The following PTPRA variants were observed in gnomAD, a reference collection of about 807,000 sequenced individuals.
The protein encoded by PTPRA is protein tyrosine phosphatase receptor type A.
A neutral mutation model predicts 104.8 loss-of-function variants in PTPRA; 25 were observed. The observed-to-expected ratio is 0.24, with a 90% CI of 0.17 to 0.33. The LOEUF is 0.33. PTPRA is among the 10% of genes least tolerant of loss of function. The pLI, the probability that PTPRA is intolerant of heterozygous loss-of-function variation, is 1.00. For synonymous variants in PTPRA, 323 were observed against 368.9 expected, an observed-to-expected ratio of 0.88 and a Z score of 1.43; for missense variants, 765 against 1,015.3, an observed-to-expected ratio of 0.75 and a Z score of 3.35.
intron 9 of PTPRA, among the ~76,000 whole-genome samples, chr20:3,003,700 A>ATTTTTT (rs59358849): frequency 1.9e-5 from 2 of 105,564 alleles, no homozygotes; most frequent in Non-Finnish European, 1.9e-5. Flanking sequence ...ATACCTGGCT[A>ATTTTTT]TTTTTTTTTT....
At chr20:2,881,743 G>T (rs1391286175) in intron 1 of PTPRA, among the ~76,000 whole-genome samples, 1 of 152,212 alleles carries the variant, frequency 6.6e-6, no homozygotes, top group African/African-American at 2.4e-5. Context: ...GCTCATGCAT[G>T]TAATCCCAGC....
rs367881785 is a variant in PTPRA at position 3,035,632 on chromosome 20, A to C, written c.1968A>C (p.Gly656=). The C allele has an allele frequency of 8.1e-6, 13 of 1,613,630 alleles. No individual in the cohort carries two copies. The African/African-American group carries it at 1.7e-4, about 22-fold the overall frequency. ...CATCTGATGGACTGGTGTCCTATGG[A>C]GATATTACAGTGGAACTGAAGAAGG... ...YWPSDGLVSY[G]DITVELKKEE... is the part of the protein sequence containing the mutation. The change falls in exon 21 of 24, where the codon GGA becomes GGC. Residue 656 remains glycine, a synonymous_variant. Transcript: ENST00000399903. This position sits in a 1 kb window ranked among gnomAD's most constrained non-coding sequence, Gnocchi z 5.8.
chr20:2,973,269 C>T (rs1299731955), intron 5 of PTPRA, among the ~76,000 whole-genome samples: 1 of 151,694 alleles, frequency 6.6e-6, no homozygotes, highest in East Asian at 1.9e-4. Context: ...TACTTTCTAC[C>T]TTCTTTAGAT....
chr20:2,941,546 C>T (rs988774117), intron 2 of PTPRA, among the ~76,000 whole-genome samples: 4 of 152,238 alleles, frequency 2.6e-5, no homozygotes, highest in African/African-American at 9.6e-5. Flanking sequence ...ATATTCTCTA[C>T]ACCCAGCTAA....
intron 10 of PTPRA, among the ~76,000 whole-genome samples, chr20:3,006,983 T>C (rs2063905157): frequency 6.6e-6 from 1 of 152,138 alleles, no homozygotes; most frequent in Admixed American, 6.5e-5. Flanking sequence ...TGTATGTGTG[T>C]GGGTGTGGGT....
intron 2 of PTPRA, among the ~76,000 whole-genome samples, chr20:2,929,333 G>T (rs1004098844): frequency 6.6e-6 from 1 of 152,128 alleles, no homozygotes; most frequent in South Asian, 2.1e-4. Flanking sequence ...GTTGACCACA[G>T]CATTGGCCCT....
At position 2,950,192 on chromosome 20, in the gene PTPRA, G is replaced by A. The variant is rs544646492; in HGVS notation, c.-7+2168G>A. On this transcript the variant is annotated intron_variant, in intron 3 of 23. Transcript: ENST00000399903. This position sits in a 1 kb window ranked among gnomAD's most constrained non-coding sequence, Gnocchi z 4.0. ...GAACTTGTGGTCAACCTCTTTAATT[G>A]TAAGAATATTCAGGTCTTTTGTTCT... Among the ~76,000 whole-genome samples the A allele has an allele frequency of 2.6e-4, 40 of 152,010 alleles. No individual in the cohort carries two copies. The highest frequency in any genetic ancestry group is 4.3e-4 in the Non-Finnish European group (29 of 68,002).
intron 5 of PTPRA, among the ~76,000 whole-genome samples, chr20:2,970,189 G>A (rs2062127165): frequency 6.6e-6 from 1 of 152,080 alleles, no homozygotes. Context: ...CACTAAGATT[G>A]TTTTCAGAGT....
At chr20:3,000,498 G>A (rs952510557) in intron 9 of PTPRA, among the ~76,000 whole-genome samples, 1 of 152,170 alleles carries the variant, frequency 6.6e-6, no homozygotes, top group African/African-American at 2.4e-5. Flanking sequence ...GTATAAATTA[G>A]TACAACTTCT....
chr20:2,918,737 G>T (rs1036248036), intron 1 of PTPRA, among the ~76,000 whole-genome samples: 1 of 152,142 alleles, frequency 6.6e-6, no homozygotes, highest in African/African-American at 2.4e-5. Context: ...GCTCCTTTTG[G>T]ATAAAGCTCT....
At chr20:3,007,249 C>A in intron 10 of PTPRA, 95 bp from the exon 11 acceptor site, 2 of 1,209,048 alleles carry the variant, frequency 1.7e-6, no homozygotes, top group Non-Finnish European at 2.4e-6. Flanking sequence ...TGAGTCTGTG[C>A]ACATAGGCAC....
chr20:2,957,143 G>A (rs1407058688), intron 3 of PTPRA, among the ~76,000 whole-genome samples: 1 of 152,174 alleles, frequency 6.6e-6, no homozygotes, highest in Non-Finnish European at 1.5e-5. Context: ...AAATTATCCA[G>A]GCGTGGTGGC....
intron 2 of PTPRA, 73 bp downstream of exon 2, chr20:2,923,358 C>A: frequency 9.5e-7 from 1 of 1,057,232 alleles, no homozygotes; most frequent in Non-Finnish European, 1.2e-6. Context: ...AAGCTAACAT[C>A]ACATGCTTTC....
intron 1 of PTPRA, among the ~76,000 whole-genome samples, chr20:2,921,577 C>T (rs2060098609): frequency 1.3e-5 from 2 of 151,644 alleles, no homozygotes; most frequent in South Asian, 4.2e-4. Context: ...TCTTTTTTCC[C>T]CCCAGTGATT....
chr20:3,029,838 C>T (rs1251827770), intron 20 of PTPRA, among the ~76,000 whole-genome samples: 9 of 152,066 alleles, frequency 5.9e-5, no homozygotes, highest in Admixed American at 5.3e-4. Flanking sequence ...TCTTCATCAT[C>T]ATTAATAACA....
intron 9 of PTPRA, among the ~76,000 whole-genome samples, chr20:3,000,334 A>G (rs1367324959): frequency 1.3e-5 from 2 of 152,184 alleles, no homozygotes; most frequent in African/African-American, 4.8e-5. Flanking sequence ...TTGACTAGGT[A>G]CTTCACGGAA....
intron 10 of PTPRA, among the ~76,000 whole-genome samples, chr20:3,007,019 T>G (rs922228782): frequency 3.9e-5 from 6 of 152,230 alleles, no homozygotes; most frequent in Non-Finnish European, 7.3e-5. Context: ...ACATATTTTT[T>G]AATATGATTG....
chr20:2,885,711 T>G (rs1251058397), intron 1 of PTPRA, among the ~76,000 whole-genome samples: 1 of 151,942 alleles, frequency 6.6e-6, no homozygotes, highest in African/African-American at 2.4e-5. Context: ...ATAGGACAAA[T>G]GAACCCATTT....
chr20:3,015,549 G>T (rs1053110247), intron 11 of PTPRA, among the ~76,000 whole-genome samples: 2 of 151,968 alleles, frequency 1.3e-5, no homozygotes, highest in African/African-American at 4.8e-5. Context: ...TAGATGATCC[G>T]CCCACCTTGG....
Sources: allele counts gnomAD v4.1 joint callset (sites outside exome capture counted in the v4.1 genomes callset), GRCh38; gene constraint gnomAD v4.1.1; non-coding constraint Gnocchi (gnomAD v3.1); transcripts MANE v1.5; gene names NCBI Gene and HGNC (gene_info 2026-07-23, HGNC 2026-07-21).